The following TNIK variants were observed in gnomAD, a reference collection of about 807,000 sequenced individuals.
TNIK encodes TRAF2 and NCK-interacting protein kinase.
In TNIK, 49 loss-of-function variants were observed where a neutral mutation model predicts 191.3. That is an observed-to-expected ratio of 0.26 (90% confidence interval 0.20 to 0.32). TNIK has a LOEUF of 0.32. TNIK is among the 10% of genes least tolerant of loss of function. TNIK has a pLI of 1.00. For missense variants in TNIK, 1,155 were observed against 1,702.3 expected (o/e 0.68, Z 5.66); for synonymous variants, 594 against 600.9 (o/e 0.99, Z 0.17).
chr3:171,298,366 G>T (rs1418416615), intron 2 of TNIK, among the ~76,000 whole-genome samples: 3 of 152,172 alleles, frequency 2.0e-5, no homozygotes, highest in Non-Finnish European at 4.4e-5. Context: ...AAAATACTTA[G>T]CCAGACTGAT....
intron 2 of TNIK, among the ~76,000 whole-genome samples, chr3:171,330,868 G>C (rs1577503839): frequency 6.6e-6 from 1 of 152,038 alleles, no homozygotes; most frequent in East Asian, 1.9e-4. Context: ...ACACTCCCAG[G>C]GGCCCCACCC....
In TNIK at chr3:171,397,292, T is replaced by A. The variant is rs144228200; in HGVS notation, c.58-27607A>T. 1.1e-4 allele frequency among the ~76,000 whole-genome samples: 16 copies of A among 152,330 alleles called. No individual in the cohort carries two copies. The East Asian group carries it at 2.9e-3, about 28-fold the overall frequency. On this transcript the variant is annotated intron_variant, in intron 1 of 32. Transcript: ENST00000436636. The stretch of plus-strand genomic sequence containing the variant: ...TCCCCTTTTGTTAGCCACAGACAGA[T>A]TGATGGACAGAGTGAGGTGACGGAC...
chr3:171,265,485 T>C (rs1332339123), intron 2 of TNIK, among the ~76,000 whole-genome samples: 1 of 152,226 alleles, frequency 6.6e-6, no homozygotes, highest in East Asian at 1.9e-4. Context: ...TTACATGAAC[T>C]GAGTGGTCTC....
intron 15 of TNIK, among the ~76,000 whole-genome samples, chr3:171,135,200 G>T (rs1385179132): frequency 6.6e-6 from 1 of 152,172 alleles, no homozygotes; most frequent in African/African-American, 2.4e-5. Context: ...TTAAAGTTTT[G>T]AAACGTGTAT....
At position 171,228,145 on chromosome 3, in the gene TNIK, G is replaced by A. The variant is rs766378129; in HGVS notation, c.180+20C>T. 8.6e-5 allele frequency: 138 copies of A among 1,613,240 alleles called. No homozygotes were observed. In the Admixed American group the frequency reaches 2.2e-3, roughly 26 times the overall value. On this transcript the variant is annotated intron_variant, in intron 3 of 32. Transcript: ENST00000436636. ...GGAGCATCTGCATGGCTATTGAGATGGCAAAATAAAGACACTTACCCCTGT... is the reference window on the plus strand; with the variant it reads ...GGAGCATCTGCATGGCTATTGAGATAGCAAAATAAAGACACTTACCCCTGT...
intron 2 of TNIK, among the ~76,000 whole-genome samples, chr3:171,330,358 T>C (rs1052043420): frequency 2.0e-5 from 3 of 152,238 alleles, no homozygotes; most frequent in Admixed American, 1.3e-4. Flanking sequence ...ACCAACTTAA[T>C]CTACCTGCTA....
intron 3 of TNIK, among the ~76,000 whole-genome samples, chr3:171,214,642 A>G (rs1214099171): frequency 1.3e-5 from 2 of 152,210 alleles, no homozygotes; most frequent in Non-Finnish European, 2.9e-5. Flanking sequence ...AGTGGTACCA[A>G]ATTATCACAC....
chr3:171,212,222 A>AG (rs1740920400), intron 3 of TNIK, among the ~76,000 whole-genome samples: 1 of 151,998 alleles, frequency 6.6e-6, no homozygotes, highest in South Asian at 2.1e-4. Flanking sequence ...GTGTCTCTGC[A>AG]TTACTGGGAC....
rs1298725616 is a variant in TNIK, at chr3:171,194,632, C to A, written c.310G>T (p.Val104Leu). The change falls in exon 5 of 33, where the codon GTG becomes TTG. Residue 104 changes from valine (V) to leucine (L), a missense_variant. Coordinates refer to ENST00000436636, the MANE Select transcript of TNIK (RefSeq NM_015028.4). Reference protein sequence around the residue: ...PPGMDDQLWLVMEFCGAGSVT... With the variant: ...PPGMDDQLWLLMEFCGAGSVT... ...GAGCCAGCACCACAAAACTCCATCA[C>A]CAACTGGCAAAGGAAGCAAACAAGC... is the stretch of plus-strand genomic sequence containing the variant. 2 of 1,613,480 alleles carry A rather than the reference C, an allele frequency of 1.2e-6. No homozygotes were observed. The highest frequency in any genetic ancestry group is 1.7e-5 in the Admixed American group (1 of 59,910).
At chr3:171,107,268 C>G in intron 20 of TNIK, 62 bp from the exon 21 acceptor site, 1 of 1,535,726 alleles carries the variant, frequency 6.5e-7, no homozygotes, top group African/African-American at 1.4e-5. Flanking sequence ...AGCAGAAAGG[C>G]AGCAGATTAG....
chr3:171,456,188 G>C (rs1376694115), intron 1 of TNIK, among the ~76,000 whole-genome samples: 1 of 152,156 alleles, frequency 6.6e-6, no homozygotes, highest in Non-Finnish European at 1.5e-5. Flanking sequence ...GCCTTACCCT[G>C]TGGGCCAAGT....
At chr3:171,220,570 A>C (rs1742177554) in intron 3 of TNIK, among the ~76,000 whole-genome samples, 2 of 151,998 alleles carry the variant, frequency 1.3e-5, no homozygotes, top group Admixed American at 1.3e-4. Flanking sequence ...AAAGGAAAGG[A>C]CGGACCTGCA....
intron 1 of TNIK, among the ~76,000 whole-genome samples, chr3:171,440,534 G>A (rs971743721): frequency 1.3e-5 from 2 of 152,302 alleles, no homozygotes; most frequent in East Asian, 3.9e-4. Flanking sequence ...GAGGTGGAAT[G>A]GGGTGGTAGT....
Position 171,274,606 on chromosome 3 carries a change from A to T in TNIK, c.124-46385T>A, listed in dbSNP as rs147174763. 5.9e-5 allele frequency among the ~76,000 whole-genome samples: 9 copies of T among 152,362 alleles called. No individual in the cohort carries two copies. The East Asian group carries it at 1.7e-3, about 29-fold the overall frequency. On this transcript the variant is annotated intron_variant, in intron 2 of 32. Coordinates refer to ENST00000436636, the MANE Select transcript of TNIK (RefSeq NM_015028.4). The stretch of plus-strand genomic sequence containing the variant: ...GTAATTCTCAGATAGATGAAGGTTA[A>T]ATTGGCAGGCCAACATATATGCAGC...
intron 10 of TNIK, among the ~76,000 whole-genome samples, chr3:171,163,441 CTTT>C (rs1173041772): frequency 6.6e-6 from 1 of 152,116 alleles, no homozygotes; most frequent in East Asian, 1.9e-4. Context: ...ACATGCCTTG[CTTT>C]TCACACTAGC....
At chr3:171,225,935 A>C (rs1312523998) in intron 3 of TNIK, among the ~76,000 whole-genome samples, 1 of 152,220 alleles carries the variant, frequency 6.6e-6, no homozygotes, top group Non-Finnish European at 1.5e-5. Context: ...CTCATTATGC[A>C]GAGATCCTAT....
intron 2 of TNIK, among the ~76,000 whole-genome samples, chr3:171,229,407 T>A (rs558487212): frequency 2.0e-5 from 3 of 152,220 alleles, no homozygotes; most frequent in Non-Finnish European, 4.4e-5. Flanking sequence ...TAACAACAGA[T>A]AAGGAGGCAT....
chr3:171,070,557 T>TCCTG (rs1719057956), intron 29 of TNIK, among the ~76,000 whole-genome samples: 1 of 152,156 alleles, frequency 6.6e-6, no homozygotes, highest in African/African-American at 2.4e-5. Context: ...TCTGGGTGCC[T>TCCTG]GTAAGTACTG....
At chr3:171,433,810 C>A (rs1350541924) in intron 1 of TNIK, among the ~76,000 whole-genome samples, 1 of 151,804 alleles carries the variant, frequency 6.6e-6, no homozygotes. Flanking sequence ...TTAATTCAGG[C>A]CTTTAGTATG....
Sources: allele counts gnomAD v4.1 joint callset (sites outside exome capture counted in the v4.1 genomes callset), GRCh38; gene constraint gnomAD v4.1.1; transcripts MANE v1.5; gene names NCBI Gene and HGNC (gene_info 2026-07-23, HGNC 2026-07-21).